UACA: variants seen among roughly 807,000 people sequenced by gnomAD.
The protein encoded by UACA is nuclear membrane binding protein.
Under a neutral mutation model 160.5 loss-of-function variants are expected in UACA, and 112 were observed. The observed-to-expected ratio is 0.70, with a 90% CI of 0.60 to 0.82. The LOEUF is 0.82. Among genes scored for constraint, UACA ranks in the 40% least tolerant of loss-of-function variants. The probability of loss-of-function intolerance (pLI) is 0.00; values close to 1 mark genes in which losing one functional copy is unlikely to be tolerated. For synonymous variants in UACA, 557 were observed against 568.4 expected, an observed-to-expected ratio of 0.98 and a Z score of 0.29; for missense variants, 1,574 against 1,614.6, an observed-to-expected ratio of 0.97 and a Z score of 0.43.
chr15:70,689,906 C>T (rs1429491983), intron 5 of UACA, among the ~76,000 whole-genome samples: 9 of 152,010 alleles, frequency 5.9e-5, no homozygotes, highest in Admixed American at 5.9e-4. Flanking sequence ...TCAGCACTGA[C>T]ATCTCTAAAG....
rs144709668 is a variant in UACA at position 70,748,516 on chromosome 15, G to A, written c.78+14814C>T. ...CAACAGAAGCCAGCTCCAAAGCTCCGGTACTTGGCTCACCCTAATGACAGG... is the reference window on the plus strand; with the variant it reads ...CAACAGAAGCCAGCTCCAAAGCTCCAGTACTTGGCTCACCCTAATGACAGG... On this transcript the variant is annotated intron_variant, in intron 1 of 18. Transcript: ENST00000322954. 2.2e-3 allele frequency among the ~76,000 whole-genome samples: 336 copies of A among 152,246 alleles called. 3 individuals are homozygous for A. Among genetic ancestry groups the A allele is most frequent in the African/African-American group, 6.5e-3 (269 of 41,548 alleles).
intron 9 of UACA, chr15:70,680,034 T>TAAA: frequency 7.1e-6 from 1 of 141,376 alleles, no homozygotes; most frequent in Non-Finnish European, 1.5e-5. Context: ...GAACTCAACT[T>TAAA]AAAAAAAAAA....
At chr15:70,736,136 TGAAA>T (rs1483334333) in intron 1 of UACA, among the ~76,000 whole-genome samples, 2 of 152,222 alleles carry the variant, frequency 1.3e-5, no homozygotes, top group African/African-American at 2.4e-5. Context: ...GTGTGGAAAC[TGAAA>T]GTTAATGGCC....
intron 1 of UACA, among the ~76,000 whole-genome samples, chr15:70,707,866 T>G (rs1343711329): frequency 2.0e-5 from 3 of 152,210 alleles, no homozygotes; most frequent in Admixed American, 1.3e-4. Context: ...CATATGGTGA[T>G]TCCTCGAAAA....
At chr15:70,709,948 T>C (rs1302868334) in intron 1 of UACA, among the ~76,000 whole-genome samples, 1 of 152,164 alleles carries the variant, frequency 6.6e-6, no homozygotes, top group Non-Finnish European at 1.5e-5. Flanking sequence ...AATTCACTGA[T>C]CTTAATAATT....
Position 70,690,485 on chromosome 15 carries a change from G to A in UACA, c.393C>T (p.Asp131=), listed in dbSNP as rs776918046. The change falls in exon 5 of 19, where the codon GAC becomes GAT. Residue 131 remains aspartate, a synonymous_variant. Transcript: ENST00000322954. ...LQYNCPTEHA[D]LQGRTALHDA... ...CGTGAAGTGCAGTTCTTCCCTGCAG[G>A]TCTGCATGCTCAGTGGGACAATTGT... 5.6e-6 allele frequency: 9 copies of A among 1,612,982 alleles called. No individual in the cohort carries two copies. The Admixed American group carries it at 1.5e-4, about 27-fold the overall frequency.
chr15:70,757,276 T>C (rs535823958), intron 1 of UACA, among the ~76,000 whole-genome samples: 46 of 152,344 alleles, frequency 3.0e-4, no homozygotes, highest in African/African-American at 1.1e-3. Context: ...ATCATGGTTA[T>C]AGCTAAAGGG....
At chr15:70,701,354 T>C (rs1898357118) in intron 1 of UACA, among the ~76,000 whole-genome samples, 1 of 152,202 alleles carries the variant, frequency 6.6e-6, no homozygotes, top group African/African-American at 2.4e-5. Context: ...GGAGTGGTCG[T>C]GGACATAAGC....
Position 70,695,077 on chromosome 15 carries a change from G to C in UACA, c.241C>G (p.Leu81Val), listed in dbSNP as rs1200466441. 6.2e-7 allele frequency: 1 copy of C among 1,608,484 alleles called. No individual in the cohort carries two copies. Among genetic ancestry groups the C allele is most frequent in the South Asian group, 1.1e-5 (1 of 90,180 alleles). Residue 81 changes from leucine to valine, a missense_variant, in exon 3 of 19, where the codon CTT becomes GTT. By Grantham distance (32) the Leu-to-Val change is conservative. Transcript: ENST00000322954. ...ATAAGGATGGCATTCAAACACTCAA[G>C]ATTCCCCTTTGAGGTCACAACATGG... ...VFHVVTSKGN[L>V]ECLNAILIHG...
intron 8 of UACA, 67 bp from the exon 9 acceptor site, chr15:70,682,862 A>G: frequency 9.6e-7 from 1 of 1,039,320 alleles, no homozygotes; most frequent in Non-Finnish European, 1.4e-6. Context: ...CGCATTCCCT[A>G]ACTATACAAT....
At chr15:70,740,330 T>C (rs1396883777) in intron 1 of UACA, among the ~76,000 whole-genome samples, 1 of 152,118 alleles carries the variant, frequency 6.6e-6, no homozygotes, top group African/African-American at 2.4e-5. Context: ...AACTTTCTTT[T>C]GGGCCAGGCA....
intron 1 of UACA, among the ~76,000 whole-genome samples, chr15:70,759,932 G>A (rs1352948677): frequency 2.0e-5 from 3 of 152,118 alleles, no homozygotes; most frequent in East Asian, 1.9e-4. Context: ...AGCATGCTAA[G>A]CTAATATGCT....
chr15:70,664,716 G>C lies in UACA; in HGVS notation c.4059C>G (p.Ser1353Arg), dbSNP rs1896842051. 1 of 1,613,530 alleles carries C rather than the reference G, an allele frequency of 6.2e-7. No homozygotes were observed. Among genetic ancestry groups the C allele is most frequent in the South Asian group, 1.1e-5 (1 of 91,052 alleles). The change falls in exon 17 of 19, where the codon AGC becomes AGG. Residue 1353 changes from serine (S) to arginine (R), a missense_variant. Ser to Arg is a moderately radical substitution (Grantham distance 110). Coordinates refer to ENST00000322954, the MANE Select transcript of UACA (RefSeq NM_018003.4). ...GGTGCTGCAGAGTGTCAATCAGCTG[G>C]CTCTGCCTCTTGGTGGGGTTCCCAC... is the stretch of plus-strand genomic sequence containing the variant. ...YTSGNPTKRQ[S>R]QLIDTLQHQV...
At chr15:70,763,655 G>T, upstream of UACA, 1 of 580,982 alleles carries the variant, frequency 1.7e-6, no homozygotes, top group Non-Finnish European at 2.5e-6. Flanking sequence ...GAATGGGGCG[G>T]GACTTCCCTT....
chr15:70,776,673 C>A, the UACA span, among the ~76,000 whole-genome samples: 1 of 152,272 alleles, frequency 6.6e-6, no homozygotes, highest in South Asian at 2.1e-4. Flanking sequence ...AGATGATCCA[C>A]CTGCCTCAGC....
In UACA at chr15:70,721,698, A is replaced by G. The variant is rs368824892; in HGVS notation, c.79-22038T>C. On this transcript the variant is annotated intron_variant, in intron 1 of 18. Coordinates refer to ENST00000322954, the MANE Select transcript of UACA (RefSeq NM_018003.4). ...AACCCAGCGCTTTGCACAGTCCTCA[A>G]CTATAATCAACACAGGCTTTTATTA... Among the ~76,000 whole-genome samples the G allele has an allele frequency of 1.1e-4, 17 of 152,242 alleles. No individual in the cohort carries two copies. In the South Asian group the frequency reaches 3.5e-3, roughly 32 times the overall value.
At chr15:70,692,806 C>CA (rs1897986470) in intron 3 of UACA, among the ~76,000 whole-genome samples, 1 of 152,112 alleles carries the variant, frequency 6.6e-6, no homozygotes, top group Admixed American at 6.6e-5. Context: ...TTTGATTTCA[C>CA]AAGTAGACCT....
intron 8 of UACA, among the ~76,000 whole-genome samples, chr15:70,683,346 G>A (rs747550424): frequency 6.6e-6 from 1 of 151,962 alleles, no homozygotes; most frequent in Non-Finnish European, 1.5e-5. Flanking sequence ...GCAACAAAGG[G>A]AGACCCCATA....
the UACA span, among the ~76,000 whole-genome samples, chr15:70,778,475 A>G: frequency 6.6e-6 from 1 of 152,148 alleles, no homozygotes; most frequent in African/African-American, 2.4e-5. Context: ...CTCCAAAATC[A>G]GCATCCTTCC....
Sources: allele counts gnomAD v4.1 joint callset (sites outside exome capture counted in the v4.1 genomes callset), GRCh38; gene constraint gnomAD v4.1.1; transcripts MANE v1.5; gene names NCBI Gene and HGNC (gene_info 2026-07-23, HGNC 2026-07-21).